The following ODR4 variants were observed in gnomAD, a reference collection of about 807,000 sequenced individuals.
ODR4 encodes odr-4 GPCR localization factor homolog.
Under a neutral mutation model 60.2 loss-of-function variants are expected in ODR4, and 47 were observed. That is an observed-to-expected ratio of 0.78 (90% CI 0.62 to 1.00). ODR4 has a LOEUF of 1.00. Among genes scored for constraint, ODR4 ranks in the 50% least tolerant of loss-of-function variants. ODR4 has a pLI of 0.00. For synonymous variants in ODR4, 178 were observed against 175.5 expected, an observed-to-expected ratio of 1.01 and a Z score of -0.11; for missense variants, 488 against 530.8, an observed-to-expected ratio of 0.92 and a Z score of 0.79.
rs1399756672 is a variant in ODR4 at position 186,419,379 on chromosome 1, G to A, written c.*303G>A. The A allele has an allele frequency of 2.9e-6, 1 of 348,870 alleles. No individual in the cohort carries two copies. Among genetic ancestry groups the A allele is most frequent in the Non-Finnish European group, 5.4e-6 (1 of 186,912 alleles). The allele number at this position is 348,870 out of a possible 1,614,324, so 21.6% of individuals were successfully genotyped here. ...TGATGGGATATGATCATAGATTTTA[G>A]TCTTACTAATCTGAATCACATATTA... is the stretch of plus-strand genomic sequence containing the variant. On this transcript the variant is annotated 3_prime_UTR_variant, in exon 14 of 14. Coordinates refer to ENST00000287859, the MANE Select transcript of ODR4 (RefSeq NM_017847.6).
downstream of ODR4, among the ~76,000 whole-genome samples, chr1:186,425,310 A>G (rs149855904): frequency 8.5e-5 from 13 of 152,322 alleles, no homozygotes; most frequent in African/African-American, 2.6e-4. Context: ...GAGTCAGGCA[A>G]TATACACTCT....
chr1:186,399,335 A>T (rs557298713), intron 11 of ODR4: 1 of 386,820 alleles, frequency 2.6e-6, no homozygotes. Context: ...CCTCCCTAGT[A>T]GGTGGGCCTG....
rs1271747168 is a variant in ODR4, at chr1:186,398,307, T to G, written c.781-6T>G. ...TATTAGAACTTAAACAGATTTTGTC[T>G]TTCAGCTCCTGAATTCAGACCACAG... On this transcript the variant is annotated splice_region_variant and splice_polypyrimidine_tract_variant and intron_variant, in intron 9 of 13. Transcript: ENST00000287859. 3 of 1,575,192 alleles carry G rather than the reference T, an allele frequency of 1.9e-6. No individual in the cohort carries two copies. In the South Asian group the frequency reaches 3.6e-5, roughly 19 times the overall value.
At chr1:186,386,338 C>A (rs556444208) in intron 4 of ODR4, among the ~76,000 whole-genome samples, 1 of 152,098 alleles carries the variant, frequency 6.6e-6, no homozygotes, top group African/African-American at 2.4e-5. Flanking sequence ...TAGTACACTA[C>A]CCAAAACAGG....
chr1:186,378,593 ATTTAAT>A (rs1437457548), intron 1 of ODR4, among the ~76,000 whole-genome samples: 1 of 152,212 alleles, frequency 6.6e-6, no homozygotes, highest in Admixed American at 6.5e-5. Flanking sequence ...CGTAGTAATG[ATTTAAT>A]TGAAGGACTG....
At chr1:186,395,446 G>A (rs749587299) in intron 9 of ODR4, among the ~76,000 whole-genome samples, 2 of 152,066 alleles carry the variant, frequency 1.3e-5, no homozygotes, top group African/African-American at 2.4e-5. Context: ...TCACTCCACC[G>A]ATCACCTAAC....
Position 186,394,937 on chromosome 1 carries a change from G to T in ODR4, c.780+922G>T, listed in dbSNP as rs535495518. Among the ~76,000 whole-genome samples, 119 of 152,222 alleles carry T rather than the reference G, an allele frequency of 7.8e-4. 1 individual carries two copies. The highest frequency in any genetic ancestry group is 9.0e-4 in the Non-Finnish European group (61 of 68,012). Reference sequence around the variant, plus strand: ...TGAGGCTGGCTATTCCACTACTTATGTGCTTTTCACTAGTTAGGCTTACTT... The same window carrying T: ...TGAGGCTGGCTATTCCACTACTTATTTGCTTTTCACTAGTTAGGCTTACTT... On this transcript the variant is annotated intron_variant, in intron 9 of 13. Coordinates refer to ENST00000287859, the MANE Select transcript of ODR4 (RefSeq NM_017847.6).
In ODR4 at chr1:186,410,853, TA is replaced by T. The variant is rs200526929; in HGVS notation, c.1186+4590del. On this transcript the variant is annotated intron_variant, in intron 12 of 13. Coordinates refer to ENST00000287859, the MANE Select transcript of ODR4 (RefSeq NM_017847.6). ...CAACATGGAGAAACCCCGTCTCTAC[TA>T]AAAATACAAAGTTAGCCAGGCGTGG... Among the ~76,000 whole-genome samples the T allele has an allele frequency of 9.8e-3, 1,489 of 151,958 alleles. 15 individuals carry two copies. Among genetic ancestry groups the T allele is most frequent in the Middle Eastern group, 0.031 (9 of 294 alleles).
chr1:186,425,347 G>T (rs570344816), downstream of ODR4, among the ~76,000 whole-genome samples: 1 of 152,118 alleles, frequency 6.6e-6, no homozygotes, highest in South Asian at 2.1e-4. Context: ...AAAATGAGAG[G>T]TACATAGCAG....
chr1:186,376,318 C>G (rs532253878), intron 1 of ODR4, among the ~76,000 whole-genome samples: 1 of 152,248 alleles, frequency 6.6e-6, no homozygotes, highest in African/African-American at 2.4e-5. Context: ...ACTGTTGTAA[C>G]TGAAGTTTTT....
chr1:186,390,578 C>A, intron 6 of ODR4, 133 bp from the exon 7 acceptor site: 1 of 880,790 alleles, frequency 1.1e-6, no homozygotes, highest in Non-Finnish European at 1.8e-6. Context: ...GTCTTTTGAT[C>A]AAGGGTTTAG....
intron 12 of ODR4, among the ~76,000 whole-genome samples, chr1:186,410,940 G>A (rs570755537): frequency 5.3e-5 from 8 of 152,000 alleles, no homozygotes; most frequent in African/African-American, 7.2e-5. Flanking sequence ...ACTTGAACCC[G>A]GAAGGCGGAG....
At chr1:186,388,618 CTATT>C in intron 5 of ODR4, 70 bp downstream of exon 5, 3 of 875,338 alleles carry the variant, frequency 3.4e-6, no homozygotes, top group East Asian at 3.2e-5. Context: ...GGTTTTTTTG[CTATT>C]TATTTAAATC....
intron 12 of ODR4, among the ~76,000 whole-genome samples, chr1:186,410,182 C>T (rs1474155040): frequency 1.3e-5 from 2 of 152,106 alleles, no homozygotes; most frequent in African/African-American, 4.8e-5. Context: ...TTATTTCATA[C>T]TTGAGAAATT....
intron 12 of ODR4, among the ~76,000 whole-genome samples, chr1:186,416,436 C>T (rs1487868756): frequency 1.3e-5 from 2 of 152,052 alleles, no homozygotes; most frequent in East Asian, 3.9e-4. Context: ...CTTTGGGAGG[C>T]CAAGGTGGGC....
rs372756520 is a variant in ODR4, at chr1:186,398,578, G to A, written c.909+137G>A. 3.1e-5 allele frequency: 26 copies of A among 848,106 alleles called. No homozygotes were observed. In the South Asian group the frequency reaches 5.8e-4, roughly 19 times the overall value. The allele number at this position is 848,106 out of a possible 1,614,324, so 52.5% of individuals were successfully genotyped here. On this transcript the variant is annotated intron_variant, in intron 10 of 13. Transcript: ENST00000287859. ...TAATGGCCTATTGTGCAGTCCAAAT[G>A]TACCATATAATTGGTGTGAAGATTT...
intron 9 of ODR4, among the ~76,000 whole-genome samples, chr1:186,395,646 G>C (rs79465271): frequency 6.6e-6 from 1 of 152,008 alleles, no homozygotes; most frequent in Non-Finnish European, 1.5e-5. Flanking sequence ...GCCCTTAACT[G>C]GTCTCTCTTC....
chr1:186,404,972 A>ATATT (rs1480113331), intron 11 of ODR4, among the ~76,000 whole-genome samples: 1 of 152,232 alleles, frequency 6.6e-6, no homozygotes, highest in East Asian at 1.9e-4. Context: ...AAGTAATTAT[A>ATATT]TATTTACATG....
chr1:186,430,303 A>G, the ODR4 span, among the ~76,000 whole-genome samples: 3 of 152,128 alleles, frequency 2.0e-5, no homozygotes, highest in Non-Finnish European at 4.4e-5. Flanking sequence ...TGTACTATGG[A>G]ACTTCTGATC....
Sources: gnomAD v4.1 joint callset for allele counts (sites outside exome capture counted in the v4.1 genomes callset) on GRCh38, gnomAD v4.1.1 for gene constraint, MANE v1.5 for transcripts, NCBI Gene and HGNC (gene_info 2026-07-23, HGNC 2026-07-21) for gene names.